Variants in TUSC3 observed in about 807,000 individuals in gnomAD.
TUSC3 encodes tumor suppressor candidate 3, also known as dolichyl-diphosphooligosaccharide--protein glycosyltransferase subunit TUSC3.
TUSC3 carries 45 observed loss-of-function variants against 44.8 expected under a neutral mutation model. The ratio of observed to expected loss-of-function variants is 1.00; its 90% CI spans 0.79 to 1.29. TUSC3 has a LOEUF of 1.29. TUSC3 is among the 50% of genes most tolerant of loss of function. The probability of loss-of-function intolerance (pLI) is 0.00; values close to 1 mark genes in which losing one functional copy is unlikely to be tolerated. For synonymous variants in TUSC3, 212 were observed against 152.9 expected (o/e 1.39, Z -2.85); for missense variants, 519 against 437.9 (o/e 1.19, Z -1.65).
intron 2 of TUSC3, among the ~76,000 whole-genome samples, chr8:15,484,345 T>G (rs1317488128): frequency 6.6e-6 from 1 of 152,232 alleles, no homozygotes; most frequent in Admixed American, 6.5e-5. Flanking sequence ...GAAATGAATA[T>G]AATATAGTAC....
intron 1 of TUSC3, among the ~76,000 whole-genome samples, chr8:15,449,524 A>G (rs1295203413): frequency 6.6e-6 from 1 of 152,110 alleles, no homozygotes; most frequent in Non-Finnish European, 1.5e-5. Context: ...AGCTTCAGGC[A>G]GTTGGTTAAA....
chr8:15,813,327 G>A, the TUSC3 span, among the ~76,000 whole-genome samples: 3 of 151,738 alleles, frequency 2.0e-5, no homozygotes, highest in Admixed American at 2.0e-4. Flanking sequence ...ACTCAAGGCA[G>A]CTGAGTCCTC....
chr8:15,617,139 T>TATATA (rs772712798), intron 1 of TUSC3, among the ~76,000 whole-genome samples: 1 of 60,192 alleles, frequency 1.7e-5, no homozygotes, highest in African/African-American at 5.9e-5. Flanking sequence ...TGTGTATATA[T>TATATA]TTTTTTTTTT....
At position 15,441,393 on chromosome 8, in the gene TUSC3, C is replaced by T. The variant is rs560664503; in HGVS notation, n.91+24088C>T. Reference sequence around the variant, plus strand: ...CTGCACTCCAGGCTGGGTGAGACAGCGAGACTCTCTCAAAAAAATTAAGTA... The same window carrying T: ...CTGCACTCCAGGCTGGGTGAGACAGTGAGACTCTCTCAAAAAAATTAAGTA... On this transcript the variant is annotated intron_variant and non_coding_transcript_variant, in intron 1 of 5. Coordinates refer to the TUSC3 transcript ENST00000503191. Among the ~76,000 whole-genome samples, 3 of 151,942 alleles carry T rather than the reference C, an allele frequency of 2.0e-5. No homozygotes were observed. The South Asian group carries it at 6.2e-4, about 32-fold the overall frequency.
In TUSC3 at chr8:15,505,502, C is replaced by T. The variant is rs551246421; in HGVS notation, n.189+22019C>T. Among the ~76,000 whole-genome samples, 39 of 152,246 alleles carry T rather than the reference C, an allele frequency of 2.6e-4. No individual in the cohort carries two copies. In the South Asian group the frequency reaches 7.7e-3, roughly 30 times the overall value. ...AAATCTCCAGCAGGGAACATCTGTA[C>T]GTTTTTTATTGTGTTTTCTGTTGCC... On this transcript the variant is annotated intron_variant and non_coding_transcript_variant, in intron 2 of 5. Transcript: ENST00000503191.
chr8:15,785,529 C>G, the TUSC3 span, among the ~76,000 whole-genome samples: 2 of 151,682 alleles, frequency 1.3e-5, no homozygotes, highest in Non-Finnish European at 2.9e-5. Context: ...GAAAACAGCC[C>G]TCTGAGACTC....
intron 6 of TUSC3, among the ~76,000 whole-genome samples, chr8:15,678,763 C>T (rs12542362): frequency 0.44 from 66,396 of 151,888 alleles, 15,158 homozygotes; most frequent in Non-Finnish European, 0.51. Context: ...ATTTTTTCAG[C>T]TTTTGGCCTC....
intron 1 of TUSC3, among the ~76,000 whole-genome samples, chr8:15,544,779 T>C (rs1390443178): frequency 5.3e-5 from 8 of 151,748 alleles, no homozygotes; most frequent in African/African-American, 9.7e-5. Flanking sequence ...TAGTTATGCA[T>C]TGATATGTAC....
chr8:15,453,636 GACAA>G (rs1181715858), intron 1 of TUSC3, among the ~76,000 whole-genome samples: 1 of 98,892 alleles, frequency 1.0e-5, no homozygotes, highest in East Asian at 2.4e-4. Context: ...CCAAGACACA[GACAA>G]ACACAACTTA....
intron 1 of TUSC3, among the ~76,000 whole-genome samples, chr8:15,467,465 T>C (rs1330154953): frequency 6.6e-6 from 1 of 152,158 alleles, no homozygotes; most frequent in Admixed American, 6.5e-5. Context: ...ATAATTCTGC[T>C]GTGGGCTAGG....
chr8:15,744,742 T>C (rs985783314), intron 8 of TUSC3, among the ~76,000 whole-genome samples: 17 of 152,302 alleles, frequency 1.1e-4, no homozygotes, highest in African/African-American at 3.6e-4. Flanking sequence ...TATTTATTTA[T>C]CTTTTGAATA....
At chr8:15,547,672 G>T (rs1801920525) in intron 1 of TUSC3, among the ~76,000 whole-genome samples, 1 of 148,100 alleles carries the variant, frequency 6.8e-6, no homozygotes, top group Non-Finnish European at 1.5e-5. Context: ...TTAGGAGGTG[G>T]GGCCTTTGGG....
At chr8:15,741,765 G>A (rs1360594768) in intron 7 of TUSC3, among the ~76,000 whole-genome samples, 2 of 152,080 alleles carry the variant, frequency 1.3e-5, no homozygotes, top group African/African-American at 2.4e-5. Flanking sequence ...TTAAATATGT[G>A]TATTTAAATG....
chr8:15,662,400 A>C (rs1807463607), intron 5 of TUSC3, 104 bp downstream of exon 5: 13 of 1,487,936 alleles, frequency 8.7e-6, no homozygotes, highest in Non-Finnish European at 1.2e-5. Context: ...ATAGAACTTA[A>C]GTCTGAATGA....
intron 2 of TUSC3, among the ~76,000 whole-genome samples, chr8:15,506,652 T>C (rs1436636698): frequency 1.3e-5 from 2 of 152,094 alleles, no homozygotes; most frequent in African/African-American, 4.8e-5. Context: ...GGAAGTGCCT[T>C]TATAAAATCA....
chr8:15,443,569 C>G (rs1045623574), intron 1 of TUSC3, among the ~76,000 whole-genome samples: 8 of 152,076 alleles, frequency 5.3e-5, no homozygotes, highest in Admixed American at 3.3e-4. Flanking sequence ...TTAAGCTGTT[C>G]TTATTCCTTC....
chr8:15,538,044 C>T (rs1255166353), upstream of TUSC3, among the ~76,000 whole-genome samples: 1 of 152,098 alleles, frequency 6.6e-6, no homozygotes, highest in Non-Finnish European at 1.5e-5. Context: ...ATCTTGGAAA[C>T]AGTTCTTGTA....
chr8:15,821,359 AT>A, the TUSC3 span, among the ~76,000 whole-genome samples: 1,513 of 131,292 alleles, frequency 0.012, 18 homozygotes, highest in Admixed American at 0.027. Flanking sequence ...GTATCTAGGC[AT>A]TTTTTTTTTT....
At chr8:15,839,327 T>A in the TUSC3 span, among the ~76,000 whole-genome samples, 1 of 151,964 alleles carries the variant, frequency 6.6e-6, no homozygotes, top group Non-Finnish European at 1.5e-5. Flanking sequence ...GACTTCCTCT[T>A]TTCCTAATGG....
Sources: allele counts gnomAD v4.1 joint callset (sites outside exome capture counted in the v4.1 genomes callset), GRCh38; gene constraint gnomAD v4.1.1; transcripts MANE v1.5; gene names NCBI Gene and HGNC (gene_info 2026-07-23, HGNC 2026-07-21).